SMG6: variants seen among roughly 807,000 people sequenced by gnomAD.
SMG6 encodes the protein SMG6 nonsense mediated mRNA decay factor, also known as telomerase-binding protein EST1A.
A neutral mutation model predicts 142.2 loss-of-function variants in SMG6; 66 were observed. The observed-to-expected ratio is 0.46, with a 90% CI of 0.38 to 0.57. The LOEUF is 0.57. Ranked by LOEUF, SMG6 falls within the 20% of genes least tolerant of loss-of-function variation. SMG6 has a pLI of 0.00. For synonymous variants in SMG6, 779 were observed against 702.4 expected (o/e 1.11, Z -1.72); for missense variants, 1,793 against 1,832.0 (o/e 0.98, Z 0.39).
intron 10 of SMG6, among the ~76,000 whole-genome samples, chr17:2,203,728 C>T (rs938094064): frequency 6.6e-6 from 1 of 152,128 alleles, no homozygotes. Context: ...AGCTATATCA[C>T]TTTTAATAAA....
intron 13 of SMG6, among the ~76,000 whole-genome samples, chr17:2,143,547 G>A (rs959807982): frequency 6.6e-6 from 1 of 152,194 alleles, no homozygotes; most frequent in African/African-American, 2.4e-5. Flanking sequence ...GAGACTGAAA[G>A]TAAACTAGTG....
At chr17:2,139,425 C>CTTTTTTTTTTTT (rs375417133) in intron 13 of SMG6, among the ~76,000 whole-genome samples, 2 of 139,248 alleles carry the variant, frequency 1.4e-5, no homozygotes, top group African/African-American at 2.7e-5. Flanking sequence ...CTGCTTTTTT[C>CTTTTTTTTTTTT]TTTTTTTTTT....
intron 16 of SMG6, among the ~76,000 whole-genome samples, chr17:2,067,598 G>T (rs1056427676): frequency 6.6e-6 from 1 of 152,190 alleles, no homozygotes; most frequent in African/African-American, 2.4e-5. Context: ...TTCTACTGTT[G>T]AAGAGCAGAA....
chr17:2,299,957 T>C lies in SMG6; in HGVS notation c.796A>G (p.Asn266Asp). 2 of 1,614,118 alleles carry C rather than the reference T, an allele frequency of 1.2e-6. No homozygotes were observed. The highest frequency in any genetic ancestry group is 1.7e-6 in the Non-Finnish European group (2 of 1,180,024). Reference protein sequence around the residue: ...TRSTSSAGSNNSAEGAGLTDN... With the variant: ...TRSTSSAGSNDSAEGAGLTDN... ...GTCAGGCCAGCTCCCTCAGCGCTGTTGTTGCTGCCAGCTGAGCTGGTGCTG... is the reference window on the plus strand; with the variant it reads ...GTCAGGCCAGCTCCCTCAGCGCTGTCGTTGCTGCCAGCTGAGCTGGTGCTG... Residue 266 changes from asparagine (N) to aspartate (D), a missense_variant, in exon 2 of 19, where the codon AAC (asparagine) becomes GAC (aspartate). Coordinates refer to ENST00000263073, the MANE Select transcript of SMG6 (RefSeq NM_017575.5). This position sits in a 1 kb window ranked among gnomAD's most constrained non-coding sequence, Gnocchi z 4.3.
chr17:2,132,515 AC>A (rs2070156580), intron 13 of SMG6, among the ~76,000 whole-genome samples: 1 of 152,160 alleles, frequency 6.6e-6, no homozygotes, highest in Admixed American at 6.5e-5. Context: ...TCATAAGAGT[AC>A]CAGAGGGAGT....
chr17:2,179,388 G>A (rs891145980), intron 12 of SMG6, among the ~76,000 whole-genome samples: 39 of 152,136 alleles, frequency 2.6e-4, no homozygotes, highest in Non-Finnish European at 1.0e-4. Context: ...TTTAACTTGA[G>A]AATTTCTATC....
At chr17:2,132,158 C>T (rs1189193727) in intron 13 of SMG6, among the ~76,000 whole-genome samples, 1 of 152,158 alleles carries the variant, frequency 6.6e-6, no homozygotes, top group Non-Finnish European at 1.5e-5. Flanking sequence ...CAGGCATGAG[C>T]CACCACGCCC....
intron 13 of SMG6, chr17:2,088,177 C>T: frequency 2.0e-6 from 2 of 985,458 alleles, no homozygotes; most frequent in Non-Finnish European, 2.4e-6. Flanking sequence ...CATGCACAGA[C>T]AGGCGGGCAG....
At chr17:2,213,430 G>A (rs1331113591) in intron 10 of SMG6, among the ~76,000 whole-genome samples, 3 of 152,190 alleles carry the variant, frequency 2.0e-5, no homozygotes, top group African/African-American at 4.8e-5. Context: ...AGGCCCTGAT[G>A]CCGCAGCCAG....
chr17:2,123,372 G>A (rs2069765344), intron 13 of SMG6, among the ~76,000 whole-genome samples: 1 of 152,172 alleles, frequency 6.6e-6, no homozygotes. Flanking sequence ...TAAACCCCAT[G>A]GAGGTACCAG....
chr17:2,159,138 T>C (rs1027178660), intron 13 of SMG6, among the ~76,000 whole-genome samples: 33 of 151,990 alleles, frequency 2.2e-4, no homozygotes, highest in African/African-American at 8.0e-4. Context: ...ATTAAAACTA[T>C]GGCCAGGCAC....
intron 10 of SMG6, among the ~76,000 whole-genome samples, chr17:2,217,270 A>G (rs1228871163): frequency 6.6e-6 from 1 of 152,170 alleles, no homozygotes; most frequent in Non-Finnish European, 1.5e-5. Context: ...ATAATTTCAG[A>G]AAACTACAAA....
intron 13 of SMG6, among the ~76,000 whole-genome samples, chr17:2,119,135 G>A (rs1215821330): frequency 1.3e-5 from 2 of 150,386 alleles, no homozygotes; most frequent in Non-Finnish European, 2.9e-5. Context: ...TTGGCTTACT[G>A]CAACCTCCGT....
chr17:2,134,676 A>G (rs765693909), intron 13 of SMG6, among the ~76,000 whole-genome samples: 2 of 152,146 alleles, frequency 1.3e-5, no homozygotes, highest in Non-Finnish European at 2.9e-5. Flanking sequence ...AAAATTGATC[A>G]TGTTGGAGAT....
chr17:2,119,957 CG>C (rs2069634723), intron 13 of SMG6, among the ~76,000 whole-genome samples: 1 of 152,314 alleles, frequency 6.6e-6, no homozygotes, highest in South Asian at 2.1e-4. Context: ...CCACTGCACC[CG>C]GCCATGTCCA....
chr17:2,094,630 C>A (rs556307398), intron 13 of SMG6, among the ~76,000 whole-genome samples: 8 of 152,206 alleles, frequency 5.3e-5, no homozygotes, highest in African/African-American at 1.9e-4. Flanking sequence ...AGGAATCCCA[C>A]TGCCTTAGCC....
chr17:2,081,910 T>C lies in SMG6; in HGVS notation c.3581A>G (p.Glu1194Gly), dbSNP rs141163639. 111 of 1,614,188 alleles carry C rather than the reference T, an allele frequency of 6.9e-5. No individual in the cohort carries two copies. The African/African-American group carries it at 1.4e-3, about 20-fold the overall frequency. ...IEDFEEDSEA[E>G]GSGGEDDIRE... ...GATGTCATCCTCGCCTCCGCTGCCTTCAGCCTCTGAATCTTCCTCAAAGTC... is the reference window on the plus strand; with the variant it reads ...GATGTCATCCTCGCCTCCGCTGCCTCCAGCCTCTGAATCTTCCTCAAAGTC... The change falls in exon 15 of 19, where the codon GAA becomes GGA. Residue 1194 changes from glutamate (E) to glycine (G), a missense_variant. Physicochemically the swap from Glu to Gly is moderately conservative, Grantham distance 98 (BLOSUM62 -2). Coordinates refer to ENST00000263073, the MANE Select transcript of SMG6 (RefSeq NM_017575.5).
chr17:2,172,150 G>C (rs1240560189), intron 13 of SMG6, among the ~76,000 whole-genome samples: 2 of 152,140 alleles, frequency 1.3e-5, no homozygotes, highest in Non-Finnish European at 2.9e-5. Flanking sequence ...AAGGAAAATA[G>C]AAACCAGGCA....
chr17:2,234,023 C>T (rs759798487), intron 10 of SMG6, among the ~76,000 whole-genome samples: 6 of 152,082 alleles, frequency 3.9e-5, no homozygotes, highest in East Asian at 1.9e-4. Flanking sequence ...GTGACCTCAT[C>T]GAGGTGACAA....
Sources: allele counts gnomAD v4.1 joint callset (sites outside exome capture counted in the v4.1 genomes callset), GRCh38; gene constraint gnomAD v4.1.1; non-coding constraint Gnocchi (gnomAD v3.1); transcripts MANE v1.5; gene names NCBI Gene and HGNC (gene_info 2026-07-23, HGNC 2026-07-21).